FAM227A: variants seen among roughly 807,000 people sequenced by gnomAD.
The protein encoded by FAM227A is family with sequence similarity 227 member A, also known as protein FAM227A.
In FAM227A, 80 loss-of-function variants were observed where a neutral mutation model predicts 74.7. That is an observed-to-expected ratio of 1.07 (90% CI 0.89 to 1.29). The LOEUF (loss-of-function observed/expected upper bound fraction) is 1.29. Among genes scored for constraint, FAM227A ranks in the 50% most tolerant of loss-of-function variants. FAM227A has a pLI of 0.00. For synonymous variants in FAM227A, 237 were observed against 241.8 expected, an observed-to-expected ratio of 0.98 and a Z score of 0.19; for missense variants, 654 against 683.4, an observed-to-expected ratio of 0.96 and a Z score of 0.48.
At chr22:38,655,761 A>G (rs923774444) in intron 1 of FAM227A, among the ~76,000 whole-genome samples, 1 of 152,188 alleles carries the variant, frequency 6.6e-6, no homozygotes, top group Non-Finnish European at 1.5e-5. Flanking sequence ...GTTCTAGGAC[A>G]TGGAAGTCTC....
chr22:38,653,472 G>A (rs2092349843), intron 1 of FAM227A, among the ~76,000 whole-genome samples: 1 of 151,870 alleles, frequency 6.6e-6, no homozygotes, highest in Non-Finnish European at 1.5e-5. Context: ...CGCCTCCTGG[G>A]TTCAAGTGAT....
chr22:38,585,904 G>A lies in FAM227A; in HGVS notation c.*221C>T. On this transcript the variant is annotated 3_prime_UTR_variant, in exon 17 of 17. Transcript: ENST00000535113. ...ATGCACGTAATAAAATACTGAAAGA[G>A]TAAATCTATGAATAAATGTAGTGAC... is the stretch of plus-strand genomic sequence containing the variant. 9.5e-7 allele frequency: 1 copy of A among 1,052,606 alleles called. No homozygotes were observed. The highest frequency in any genetic ancestry group is 1.8e-5 in the South Asian group (1 of 54,260). The allele number at this position is 1,052,606 out of a possible 1,614,324, so 65.2% of individuals were successfully genotyped here.
chr22:38,631,161 C>T (rs1395817218), intron 6 of FAM227A, among the ~76,000 whole-genome samples: 4 of 152,048 alleles, frequency 2.6e-5, no homozygotes, highest in African/African-American at 9.7e-5. Flanking sequence ...GAGCGAGTGT[C>T]TTACTCAAAA....
At chr22:38,587,006 C>T (rs966556098) in intron 16 of FAM227A, among the ~76,000 whole-genome samples, 2 of 151,880 alleles carry the variant, frequency 1.3e-5, no homozygotes, top group Admixed American at 1.3e-4. Context: ...GTTCACTGTC[C>T]GTATTTGGAA....
In FAM227A at chr22:38,613,104, AT is replaced by A. The variant is rs1389637589; in HGVS notation, c.1039-5629del. Among the ~76,000 whole-genome samples the A allele has an allele frequency of 2.0e-4, 19 of 92,778 alleles. No individual in the cohort carries two copies. The Admixed American group carries it at 2.1e-3, about 10-fold the overall frequency. The allele number at this position is 92,778 out of a possible 152,430, so 60.9% of individuals were successfully genotyped here. ...TAATTATATATATATATTATATATA[AT>A]TATATATATATTATATATAATTATA... is the stretch of plus-strand genomic sequence containing the variant. On this transcript the variant is annotated intron_variant, in intron 11 of 16. Coordinates refer to ENST00000535113, the MANE Select transcript of FAM227A (RefSeq NM_001013647.2).
Position 38,650,049 on chromosome 22 carries a change from C to G in FAM227A, c.120G>C (p.Lys40Asn), listed in dbSNP as rs1348388443. 3 of 1,552,242 alleles carry G rather than the reference C, an allele frequency of 1.9e-6. No homozygotes were observed. The Admixed American group carries it at 5.9e-5, about 30-fold the overall frequency. Residue 40 changes from lysine (K) to asparagine (N), a missense_variant, in exon 2 of 17, where the codon AAG (lysine) becomes AAC (asparagine). Physicochemically the swap from Lys to Asn is moderately conservative, Grantham distance 94. Coordinates refer to ENST00000535113, the MANE Select transcript of FAM227A (RefSeq NM_001013647.2). The part of the protein sequence containing the change: ...ARNTMVKTVR[K>N]ELENNPPSCL... ...TACAGGGTGGATTGTTCTCTAACTC[C>G]TTCCTCACAGTCTTCACCATTGTAT...
chr22:38,620,096 G>C (rs1266962534), intron 11 of FAM227A, 116 bp downstream of exon 11: 5 of 701,536 alleles, frequency 7.1e-6, no homozygotes, highest in Non-Finnish European at 1.2e-5. Flanking sequence ...AGTGGACCTG[G>C]GCAAGGGGTA....
At position 38,628,247 on chromosome 22, in the gene FAM227A, C is replaced by T. The variant is rs766619514; in HGVS notation, c.717G>A (p.Ala239=). 4.4e-5 allele frequency: 68 copies of T among 1,541,336 alleles called. No homozygotes were observed. In the East Asian group the frequency reaches 9.8e-4, roughly 22 times the overall value. The change falls in exon 8 of 17, where the codon GCG becomes GCA. Residue 239 remains alanine (A), a synonymous_variant. Coordinates refer to ENST00000535113, the MANE Select transcript of FAM227A (RefSeq NM_001013647.2). ...FRVPKSHSEE[A]LLKRLPSLLS... ...AGTGGCTGATGCTCACTTTTAAGAGCGCCTCTTCAGAGTGGGACTTGGGTA... is the reference window on the plus strand; with the variant it reads ...AGTGGCTGATGCTCACTTTTAAGAGTGCCTCTTCAGAGTGGGACTTGGGTA...
intron 3 of FAM227A, among the ~76,000 whole-genome samples, chr22:38,641,699 T>TCTTG (rs2092118206): frequency 6.6e-6 from 1 of 151,440 alleles, no homozygotes; most frequent in Non-Finnish European, 1.5e-5. Flanking sequence ...AGTAGCGACT[T>TCTTG]GTTGGTTGAC....
At chr22:38,651,051 T>C (rs1232437620) in intron 1 of FAM227A, among the ~76,000 whole-genome samples, 1 of 152,278 alleles carries the variant, frequency 6.6e-6, no homozygotes, top group East Asian at 1.9e-4. Context: ...CTTTGCTCCA[T>C]CTTCTCCACA....
rs1318581642 is a variant in FAM227A at position 38,579,171 on chromosome 22, C to T, written c.*6954G>A. 6.6e-6 allele frequency: 1 copy of T among 152,198 alleles called. No individual in the cohort carries two copies. The highest frequency in any genetic ancestry group is 1.5e-5 in the Non-Finnish European group (1 of 68,034). The allele number at this position is 152,198 out of a possible 1,614,324, so 9.4% of individuals were successfully genotyped here. Reference sequence around the variant, plus strand: ...TCATAAGTACACATAGGAGCAGCAACTAAGCCAGACATAGAGCACACTTCA... The same window carrying T: ...TCATAAGTACACATAGGAGCAGCAATTAAGCCAGACATAGAGCACACTTCA... On this transcript the variant is annotated 3_prime_UTR_variant, in exon 17 of 17. Coordinates refer to ENST00000535113, the MANE Select transcript of FAM227A (RefSeq NM_001013647.2).
rs1360702211 is a variant in FAM227A at position 38,599,895 on chromosome 22, C to T, written c.1248G>A (p.Glu416=). 1 of 1,550,380 alleles carries T rather than the reference C, an allele frequency of 6.5e-7. No homozygotes were observed. The highest frequency in any genetic ancestry group is 8.7e-7 in the Non-Finnish European group (1 of 1,146,548). Residue 416 remains glutamate, a synonymous_variant, in exon 14 of 17, where the codon GAG becomes GAA. Coordinates refer to ENST00000535113, the MANE Select transcript of FAM227A (RefSeq NM_001013647.2). ...KKSCAACKSP[E]LTSNLFNIYG... ...AAATGTTGAAGAGGTTTGAAGTCAGCTCAGGGCTTTTGCAGGCAGCACACG... is the reference window on the plus strand; with the variant it reads ...AAATGTTGAAGAGGTTTGAAGTCAGTTCAGGGCTTTTGCAGGCAGCACACG...
At chr22:38,607,593 C>T (rs2146261696) in intron 11 of FAM227A, 117 bp from the exon 12 acceptor site, 1 of 738,932 alleles carries the variant, frequency 1.4e-6, no homozygotes, top group Non-Finnish European at 2.3e-6. Flanking sequence ...CTATTTCTTA[C>T]TGTTCTCAGC....
intron 11 of FAM227A, among the ~76,000 whole-genome samples, chr22:38,608,266 T>G (rs1349760538): frequency 6.6e-6 from 1 of 151,962 alleles, no homozygotes; most frequent in Non-Finnish European, 1.5e-5. Context: ...AGGTTGAGGC[T>G]GCAGTGAGCC....
At chr22:38,611,054 C>T (rs1017562293) in intron 11 of FAM227A, among the ~76,000 whole-genome samples, 2 of 151,726 alleles carry the variant, frequency 1.3e-5, no homozygotes, top group Admixed American at 6.6e-5. Flanking sequence ...GGCAAGACTC[C>T]GTCTCGAAAA....
chr22:38,617,566 A>G (rs1365931031), intron 11 of FAM227A, among the ~76,000 whole-genome samples: 1 of 152,166 alleles, frequency 6.6e-6, no homozygotes, highest in African/African-American at 2.4e-5. Flanking sequence ...AAGTGCTGGG[A>G]TTACAGGCGT....
intron 11 of FAM227A, among the ~76,000 whole-genome samples, chr22:38,612,811 C>G (rs1684822801): frequency 6.6e-6 from 1 of 151,556 alleles, no homozygotes; most frequent in African/African-American, 2.4e-5. Flanking sequence ...AGTAGCACAC[C>G]TTGGCAGAGG....
rs761250292 is a variant in FAM227A, at chr22:38,626,170, C to T, written c.850+10G>A. 3.9e-6 allele frequency: 6 copies of T among 1,549,368 alleles called. No homozygotes were observed. The Admixed American group carries it at 6.0e-5, about 15-fold the overall frequency. On this transcript the variant is annotated intron_variant, in intron 9 of 16. Transcript: ENST00000535113. ...ATCGCTTTCCCCGGTGGAAAAAAGT[C>T]ACCTCTCACCTGAAATCCACAGGCT... is the stretch of plus-strand genomic sequence containing the variant.
chr22:38,603,348 C>T (rs1230088182), intron 13 of FAM227A, among the ~76,000 whole-genome samples: 2 of 152,024 alleles, frequency 1.3e-5, no homozygotes, highest in Middle Eastern at 3.4e-3. Context: ...ATTAGCTGGG[C>T]GTGGTGGCAC....
Sources: gnomAD v4.1 joint callset for allele counts (sites outside exome capture counted in the v4.1 genomes callset) on GRCh38, gnomAD v4.1.1 for gene constraint, MANE v1.5 for transcripts, NCBI Gene and HGNC (gene_info 2026-07-23, HGNC 2026-07-21) for gene names.